SLC9C2: variants seen among roughly 807,000 people sequenced by gnomAD.
The protein encoded by SLC9C2 is solute carrier family 9 member C2 (putative).
SLC9C2 carries 75 observed loss-of-function variants against 140.2 expected under a neutral mutation model. That is an observed-to-expected ratio of 0.53 (90% CI 0.44 to 0.65). SLC9C2 has a LOEUF of 0.65. SLC9C2 is among the 30% of genes least tolerant of loss of function. SLC9C2 has a pLI of 0.00. For synonymous variants in SLC9C2, 375 were observed against 420.9 expected (o/e 0.89, Z 1.34); for missense variants, 1,074 against 1,331.8 (o/e 0.81, Z 3.01).
chr1:173,514,678 G>C (rs925145376), intron 23 of SLC9C2, among the ~76,000 whole-genome samples: 1 of 152,166 alleles, frequency 6.6e-6, no homozygotes, highest in African/African-American at 2.4e-5. Flanking sequence ...ATTTGAGCCT[G>C]TCATCATGAT....
intron 17 of SLC9C2, 95 bp downstream of exon 17, chr1:173,533,514 G>T: frequency 1.1e-6 from 1 of 876,876 alleles, no homozygotes; most frequent in Non-Finnish European, 1.8e-6. Flanking sequence ...CTGGACTCAA[G>T]CAATCCACCC....
At chr1:173,502,758 T>C (rs1659375219) in intron 27 of SLC9C2, among the ~76,000 whole-genome samples, 1 of 152,238 alleles carries the variant, frequency 6.6e-6, no homozygotes, top group South Asian at 2.1e-4. Flanking sequence ...CTCGATAATA[T>C]GTTTTTTAAT....
At chr1:173,501,218 C>A in intron 27 of SLC9C2, 121 bp from the exon 28 acceptor site, 1 of 1,012,390 alleles carries the variant, frequency 9.9e-7, no homozygotes, top group Non-Finnish European at 1.3e-6. Flanking sequence ...TGAAACATTC[C>A]TCCTAAAAGA....
In SLC9C2 at chr1:173,582,890, G is replaced by A. The variant is rs188935711; in HGVS notation, c.640+616C>T. Reference sequence around the variant, plus strand: ...CCAATTCTTAGCACTCAGTCACTGAGATCCAGATTGATCCAGTAAAGAAGT... The same window carrying A: ...CCAATTCTTAGCACTCAGTCACTGAAATCCAGATTGATCCAGTAAAGAAGT... On this transcript the variant is annotated intron_variant, in intron 6 of 27. Transcript: ENST00000367714. Among the ~76,000 whole-genome samples, 157 of 152,330 alleles carry A rather than the reference G, an allele frequency of 1.0e-3. 2 individuals carry two copies. The Middle Eastern group carries it at 0.014, about 13-fold the overall frequency.
intron 9 of SLC9C2, among the ~76,000 whole-genome samples, chr1:173,564,962 CT>C (rs200876836): frequency 0.02 from 2,628 of 131,914 alleles, 89 homozygotes; most frequent in African/African-American, 0.07. Context: ...TTCTTTTTTT[CT>C]TTTTCTTTTT....
intron 7 of SLC9C2, 103 bp from the exon 8 acceptor site, chr1:173,576,863 G>A: frequency 1.3e-6 from 1 of 768,320 alleles, no homozygotes; most frequent in Non-Finnish European, 2.0e-6. Flanking sequence ...CTTAAGAGAA[G>A]TAGTAGTTCT....
chr1:173,550,940 G>A (rs1663259070), intron 11 of SLC9C2, among the ~76,000 whole-genome samples: 1 of 149,834 alleles, frequency 6.7e-6, no homozygotes. Context: ...GGGGAGGGGA[G>A]GGGAGGGGAG....
intron 25 of SLC9C2, 58 bp from the exon 26 acceptor site, chr1:173,505,389 G>A (rs1259113749): frequency 7.6e-7 from 1 of 1,309,068 alleles, no homozygotes; most frequent in Non-Finnish European, 1.1e-6. Context: ...TAACCTGGCT[G>A]CTTCCTAATC....
intron 18 of SLC9C2, among the ~76,000 whole-genome samples, chr1:173,529,588 T>C (rs1306730551): frequency 6.6e-6 from 1 of 151,298 alleles, no homozygotes; most frequent in Non-Finnish European, 1.5e-5. Flanking sequence ...TCTCAACTCC[T>C]GCATACACCT....
chr1:173,503,273 T>A lies in SLC9C2; in HGVS notation c.3364A>T (p.Lys1122Ter). Residue 1122 changes from lysine to a stop codon, truncating the protein, a stop_gained, in exon 27 of 28, where the codon AAG becomes TAG. Transcript: ENST00000367714. LOFTEE classifies it high-confidence loss of function. ...AAGTGTCAAGTTTATTACCTCATCT[T>A]TTGTCTTCCATTTATATTCTTTCCT... ...QPGKNINGRQ[K>*]MS The A allele has an allele frequency of 6.2e-7, 1 of 1,613,334 alleles. No homozygotes were observed.
At chr1:173,576,855 T>A (rs1178433099) in intron 7 of SLC9C2, 95 bp from the exon 8 acceptor site, 3 of 799,430 alleles carry the variant, frequency 3.8e-6, no homozygotes, top group Non-Finnish European at 1.9e-6. Context: ...GTGGGAATCT[T>A]AAGAGAAGTA....
chr1:173,578,588 G>C (rs1397506527), intron 7 of SLC9C2, among the ~76,000 whole-genome samples: 1 of 152,146 alleles, frequency 6.6e-6, no homozygotes, highest in Non-Finnish European at 1.5e-5. Flanking sequence ...AGCACAAACT[G>C]GGGGGCTTAA....
chr1:173,522,606 C>T (rs1196030366), intron 21 of SLC9C2, among the ~76,000 whole-genome samples: 4 of 152,142 alleles, frequency 2.6e-5, no homozygotes, highest in Non-Finnish European at 5.9e-5. Context: ...ATAGATAATA[C>T]TAATATATTC....
chr1:173,534,580 T>C lies in SLC9C2; in HGVS notation c.1878A>G (p.Ile626Met), dbSNP rs1351013185. Residue 626 changes from isoleucine to methionine, a missense_variant, in exon 16 of 28, where the codon ATA becomes ATG. Ile to Met is a conservative substitution (Grantham distance 10, BLOSUM62 1). Coordinates refer to ENST00000367714, the MANE Select transcript of SLC9C2 (RefSeq NM_178527.4). ...AACCTCTTGCCATTGGCCACAGATG[T>C]ATTATCATAGGATAAATATATATCA... The part of the protein sequence containing the change: ...INLIYIYPMI[I>M]HLWPMARGLN... The C allele has an allele frequency of 3.8e-6, 6 of 1,598,066 alleles. No homozygotes were observed. In the East Asian group the frequency reaches 1.4e-4, roughly 36 times the overall value.
intron 21 of SLC9C2, among the ~76,000 whole-genome samples, chr1:173,522,124 G>C (rs1382655572): frequency 5.9e-5 from 9 of 151,870 alleles, no homozygotes; most frequent in African/African-American, 2.2e-4. Flanking sequence ...GCTACAGGCT[G>C]GGCAGGAGAA....
intron 7 of SLC9C2, among the ~76,000 whole-genome samples, chr1:173,581,173 T>C (rs1210177772): frequency 6.6e-6 from 1 of 152,182 alleles, no homozygotes; most frequent in East Asian, 1.9e-4. Context: ...CCGAAGTTGC[T>C]TCACTGTCTG....
chr1:173,560,014 A>G (rs1226043254), intron 9 of SLC9C2, among the ~76,000 whole-genome samples: 2 of 152,254 alleles, frequency 1.3e-5, no homozygotes, highest in Non-Finnish European at 2.9e-5. Flanking sequence ...GTCTGTTGAT[A>G]TGAAAAAAGG....
At chr1:173,504,247 CTG>C (rs1266500982) in intron 26 of SLC9C2, among the ~76,000 whole-genome samples, 1 of 152,164 alleles carries the variant, frequency 6.6e-6, no homozygotes, top group Non-Finnish European at 1.5e-5. Flanking sequence ...ACAGGAACCT[CTG>C]AGGTTCAAAT....
At chr1:173,508,718 C>T (rs1659825564) in intron 24 of SLC9C2, among the ~76,000 whole-genome samples, 1 of 152,156 alleles carries the variant, frequency 6.6e-6, no homozygotes, top group Non-Finnish European at 1.5e-5. Flanking sequence ...TTTCCCAGTT[C>T]ACTTCCCCAG....
Sources: gnomAD v4.1 joint callset for allele counts (sites outside exome capture counted in the v4.1 genomes callset) on GRCh38, gnomAD v4.1.1 for gene constraint, MANE v1.5 for transcripts, NCBI Gene and HGNC (gene_info 2026-07-23, HGNC 2026-07-21) for gene names.